Variants in EFNA5 observed in about 807,000 individuals in gnomAD.
EFNA5 encodes ephrin A5.
In EFNA5, 5 loss-of-function variants were observed where a neutral mutation model predicts 22.9. That is an observed-to-expected ratio of 0.22 (90% CI 0.11 to 0.46). The LOEUF (loss-of-function observed/expected upper bound fraction) is 0.46, where lower values mean the gene tolerates loss of function less well. Among genes scored for constraint, EFNA5 ranks in the 20% least tolerant of loss-of-function variants. EFNA5 has a pLI of 0.99. For missense variants in EFNA5, 237 were observed against 293.3 expected (o/e 0.81, Z 1.40); for synonymous variants, 113 against 112.2 (o/e 1.01, Z -0.04).
At chr5:107,420,653 G>T (rs1485447402) in intron 2 of EFNA5, among the ~76,000 whole-genome samples, 1 of 152,014 alleles carries the variant, frequency 6.6e-6, no homozygotes, top group East Asian at 1.9e-4. Context: ...AAAATACGAG[G>T]GAACTGCTGG....
chr5:107,652,185 A>G (rs1183767236), intron 1 of EFNA5, among the ~76,000 whole-genome samples: 1 of 152,162 alleles, frequency 6.6e-6, no homozygotes, highest in African/African-American at 2.4e-5. Context: ...AGGTACTTTC[A>G]CTAGATCCCC....
chr5:107,405,880 TG>T lies in EFNA5; in HGVS notation c.419-18110del, dbSNP rs1229998785. ...TAGAATGTATACAAATACATATATT[TG>T]TATACATATTCTATGTATTTATATA... On this transcript the variant is annotated intron_variant, in intron 2 of 4. Coordinates refer to ENST00000333274, the MANE Select transcript of EFNA5 (RefSeq NM_001962.3). 6.3e-4 allele frequency among the ~76,000 whole-genome samples: 94 copies of T among 149,650 alleles called. 3 individuals are homozygous for T. The South Asian group carries it at 0.02, about 32-fold the overall frequency.
chr5:107,562,698 T>C (rs576620075), intron 1 of EFNA5, among the ~76,000 whole-genome samples: 1 of 152,292 alleles, frequency 6.6e-6, no homozygotes, highest in South Asian at 2.1e-4. Context: ...CTGTGTTGAG[T>C]ACCTACTGTG....
intron 1 of EFNA5, among the ~76,000 whole-genome samples, chr5:107,644,365 T>C (rs927472607): frequency 1.3e-5 from 2 of 152,094 alleles, no homozygotes; most frequent in African/African-American, 4.8e-5. Flanking sequence ...AAAAAAAGAA[T>C]CATTATGTAG....
intron 1 of EFNA5, among the ~76,000 whole-genome samples, chr5:107,630,824 A>G (rs1163315716): frequency 6.6e-6 from 1 of 152,038 alleles, no homozygotes; most frequent in East Asian, 1.9e-4. Flanking sequence ...TTTTCTTTAT[A>G]TCCTCTCTAT....
At chr5:107,591,135 G>A (rs1244847868) in intron 1 of EFNA5, among the ~76,000 whole-genome samples, 1 of 152,172 alleles carries the variant, frequency 6.6e-6, no homozygotes, top group Non-Finnish European at 1.5e-5. Flanking sequence ...TGGGCTGGGA[G>A]GCAGGGGAGC....
chr5:107,554,079 A>G (rs1003772664), intron 1 of EFNA5, among the ~76,000 whole-genome samples: 7 of 152,216 alleles, frequency 4.6e-5, no homozygotes, highest in African/African-American at 1.4e-4. Flanking sequence ...TATGATAAAA[A>G]TTCTATATGC....
chr5:107,547,568 C>T (rs1008198315), intron 1 of EFNA5, among the ~76,000 whole-genome samples: 43 of 151,922 alleles, frequency 2.8e-4, no homozygotes, highest in African/African-American at 1.0e-3. Context: ...GAAACCAATG[C>T]CTGTTGTGCA....
chr5:107,531,244 G>A (rs1401763114), intron 1 of EFNA5, among the ~76,000 whole-genome samples: 1 of 152,130 alleles, frequency 6.6e-6, no homozygotes, highest in African/African-American at 2.4e-5. Context: ...TCAAGCCCTA[G>A]GTAGACTTAG....
At chr5:107,648,171 C>G (rs1750663511) in intron 1 of EFNA5, among the ~76,000 whole-genome samples, 1 of 152,034 alleles carries the variant, frequency 6.6e-6, no homozygotes, top group Admixed American at 6.6e-5. Context: ...CACTTAGGTT[C>G]TCACTGATTA....
intron 2 of EFNA5, among the ~76,000 whole-genome samples, chr5:107,390,948 C>T (rs1747779306): frequency 6.6e-6 from 1 of 152,080 alleles, no homozygotes; most frequent in Non-Finnish European, 1.5e-5. Flanking sequence ...CACTTAAGGC[C>T]AGGAGTTCGA....
At chr5:107,559,440 G>A (rs1178758333) in intron 1 of EFNA5, among the ~76,000 whole-genome samples, 1 of 152,134 alleles carries the variant, frequency 6.6e-6, no homozygotes, top group Admixed American at 6.5e-5. Context: ...AATATTTACT[G>A]ACAGGATGAG....
chr5:107,549,931 A>C (rs1748250246), intron 1 of EFNA5, among the ~76,000 whole-genome samples: 4 of 152,342 alleles, frequency 2.6e-5, no homozygotes, highest in African/African-American at 9.6e-5. Context: ...ATTGGTTAGT[A>C]CCTATGGCTC....
At chr5:107,424,662 C>T (rs1055341035) in intron 2 of EFNA5, among the ~76,000 whole-genome samples, 8 of 152,110 alleles carry the variant, frequency 5.3e-5, no homozygotes, top group East Asian at 1.9e-4. Context: ...CATCTTGTAA[C>T]GTAGTAAGTG....
At chr5:107,412,292 C>G (rs903151041) in intron 2 of EFNA5, among the ~76,000 whole-genome samples, 1 of 151,984 alleles carries the variant, frequency 6.6e-6, no homozygotes, top group Non-Finnish European at 1.5e-5. Flanking sequence ...TTGGAATGTA[C>G]GGTAAAATAC....
chr5:107,576,672 G>A (rs1240858701), intron 1 of EFNA5, among the ~76,000 whole-genome samples: 6 of 152,176 alleles, frequency 3.9e-5, no homozygotes, highest in Non-Finnish European at 2.9e-5. Flanking sequence ...CATGTGAGAG[G>A]AAAACACAAT....
rs1202777267 is a variant in EFNA5 at position 107,591,978 on chromosome 5, TATATA to T, written c.125+78506_125+78510del. ...TATATAATATATATAATATATATAA[TATATA>T]ATATATAATATATATAATATATAAT... is the stretch of plus-strand genomic sequence containing the variant. On this transcript the variant is annotated intron_variant, in intron 1 of 4. Coordinates refer to ENST00000333274, the MANE Select transcript of EFNA5 (RefSeq NM_001962.3). Among the ~76,000 whole-genome samples the T allele has an allele frequency of 4.9e-4, 21 of 42,430 alleles. 1 individual carries two copies. The highest frequency in any genetic ancestry group is 1.2e-3 in the African/African-American group (9 of 7,588). 27.8% of individuals were successfully genotyped at this position (42,430 alleles called of 152,430 possible). A position where few individuals can be genotyped will look rare whatever the true frequency, so the allele number is the denominator to read the frequency against.
intron 1 of EFNA5, among the ~76,000 whole-genome samples, chr5:107,545,152 T>C (rs1266826777): frequency 6.6e-6 from 1 of 152,248 alleles, no homozygotes; most frequent in Non-Finnish European, 1.5e-5. Context: ...TTACTTGCCT[T>C]AAAGATGTGT....
intron 2 of EFNA5, among the ~76,000 whole-genome samples, chr5:107,409,834 T>C (rs17159926): frequency 0.027 from 4,113 of 152,096 alleles, 153 homozygotes; most frequent in African/African-American, 0.092. Flanking sequence ...TCAGGAAAAA[T>C]GAAGCCTACA....
Sources: allele counts gnomAD v4.1 joint callset (sites outside exome capture counted in the v4.1 genomes callset), GRCh38; gene constraint gnomAD v4.1.1; transcripts MANE v1.5; gene names NCBI Gene and HGNC (gene_info 2026-07-23, HGNC 2026-07-21).